Variants in BANK1 observed in about 807,000 individuals in gnomAD.
BANK1 encodes B cell scaffold protein with ankyrin repeats 1.
In BANK1, 95 loss-of-function variants were observed where a neutral mutation model predicts 94.5. The ratio of observed to expected loss-of-function variants is 1.00; its 90% CI spans 0.85 to 1.19. The LOEUF is 1.19. Ranked by LOEUF, BANK1 falls within the 50% of genes most tolerant of loss-of-function variation. The pLI, the probability that BANK1 is intolerant of heterozygous loss-of-function variation, is 0.00. For missense variants in BANK1, 987 were observed against 932.2 expected (o/e 1.06, Z -0.77); for synonymous variants, 334 against 308.4 (o/e 1.08, Z -0.87).
intron 7 of BANK1, among the ~76,000 whole-genome samples, chr4:101,988,547 T>A (rs1172727515): frequency 6.6e-6 from 1 of 152,186 alleles, no homozygotes; most frequent in East Asian, 1.9e-4. Context: ...TTAGTACAAC[T>A]CTTCATTAAG....
chr4:101,862,504 G>A, intron 3 of BANK1, 22 bp from the exon 4 acceptor site: 1 of 1,581,792 alleles, frequency 6.3e-7, no homozygotes, highest in Non-Finnish European at 8.6e-7. Flanking sequence ...ATGCTTAAAT[G>A]GGTTACATTT....
intron 7 of BANK1, among the ~76,000 whole-genome samples, chr4:101,927,544 T>C (rs1723205020): frequency 6.6e-6 from 1 of 151,568 alleles, no homozygotes; most frequent in African/African-American, 2.4e-5. Flanking sequence ...TGATAGATGA[T>C]AAAAAGATGC....
At chr4:101,796,258 C>T (rs1451243559) in intron 1 of BANK1, among the ~76,000 whole-genome samples, 2 of 152,034 alleles carry the variant, frequency 1.3e-5, no homozygotes, top group Non-Finnish European at 2.9e-5. Context: ...CTTATTTGCC[C>T]ATGAAATTGT....
intron 2 of BANK1, among the ~76,000 whole-genome samples, chr4:101,850,508 C>A (rs1216743322): frequency 1.3e-5 from 2 of 151,350 alleles, no homozygotes; most frequent in Admixed American, 6.6e-5. Context: ...GTCTCGAACT[C>A]TTGACCTCAA....
At chr4:101,995,954 G>T (rs1725864562) in intron 7 of BANK1, among the ~76,000 whole-genome samples, 1 of 152,112 alleles carries the variant, frequency 6.6e-6, no homozygotes, top group Admixed American at 6.6e-5. Context: ...AGTTTAATTA[G>T]ATCCCATTTG....
At chr4:102,052,338 G>C (rs1334280766) in intron 11 of BANK1, among the ~76,000 whole-genome samples, 1 of 151,582 alleles carries the variant, frequency 6.6e-6, no homozygotes, top group Admixed American at 6.6e-5. Flanking sequence ...GGATGGTCTG[G>C]ATCTCTTGAC....
intron 7 of BANK1, among the ~76,000 whole-genome samples, chr4:101,961,593 T>C (rs1467805377): frequency 6.6e-6 from 1 of 152,224 alleles, no homozygotes; most frequent in Non-Finnish European, 1.5e-5. Flanking sequence ...TTGGTTTTAC[T>C]GTCAAACTAT....
chr4:101,888,800 C>T (rs538941213), intron 5 of BANK1, among the ~76,000 whole-genome samples: 50 of 152,282 alleles, frequency 3.3e-4, no homozygotes, highest in Admixed American at 1.6e-3. Flanking sequence ...TGTTTGAATC[C>T]GTTCATTGCA....
intron 1 of BANK1, among the ~76,000 whole-genome samples, chr4:101,803,997 C>CAAAAAAAAAAAAAAAAA (rs55704915): frequency 2.0e-4 from 14 of 68,408 alleles, no homozygotes; most frequent in East Asian, 4.6e-4. Flanking sequence ...GACTCCGTCT[C>CAAAAAAAAAAAAAAAAA]AAAAAAAAAA....
intron 13 of BANK1, among the ~76,000 whole-genome samples, chr4:102,069,575 C>T (rs1191269612): frequency 6.6e-6 from 1 of 152,178 alleles, no homozygotes; most frequent in Non-Finnish European, 1.5e-5. Flanking sequence ...ACCATATGAC[C>T]TAGTCATTCC....
chr4:102,010,066 A>C (rs554500415), intron 7 of BANK1, among the ~76,000 whole-genome samples: 1 of 151,928 alleles, frequency 6.6e-6, no homozygotes, highest in Non-Finnish European at 1.5e-5. Context: ...GGAGATCGAG[A>C]CCATCCTGGC....
intron 7 of BANK1, among the ~76,000 whole-genome samples, chr4:101,959,204 A>G (rs1313173691): frequency 6.6e-6 from 1 of 151,988 alleles, no homozygotes; most frequent in African/African-American, 2.4e-5. Flanking sequence ...CAATGGCGCA[A>G]TTTCAGCTCA....
At chr4:102,053,336 C>T (rs554689098) in intron 11 of BANK1, among the ~76,000 whole-genome samples, 1 of 152,154 alleles carries the variant, frequency 6.6e-6, no homozygotes, top group African/African-American at 2.4e-5. Flanking sequence ...CCTAGCAAAT[C>T]TTTTTGATTA....
chr4:101,912,485 ATG>A (rs1005632804), intron 6 of BANK1, among the ~76,000 whole-genome samples: 4 of 151,722 alleles, frequency 2.6e-5, no homozygotes, highest in Non-Finnish European at 4.4e-5. Context: ...AACCAATAAA[ATG>A]TGTGTGTATA....
intron 13 of BANK1, among the ~76,000 whole-genome samples, chr4:102,069,383 A>G (rs1006589206): frequency 6.6e-6 from 1 of 152,248 alleles, no homozygotes; most frequent in Non-Finnish European, 1.5e-5. Context: ...AAGATGCTCA[A>G]TATCATTAAC....
At chr4:102,028,278 G>C (rs1238866725) in intron 9 of BANK1, among the ~76,000 whole-genome samples, 1 of 152,190 alleles carries the variant, frequency 6.6e-6, no homozygotes, top group East Asian at 1.9e-4. Context: ...CTGTGTTGCT[G>C]TCAGTGAACC....
chr4:101,944,731 T>A lies in BANK1; in HGVS notation c.1206+26542T>A, dbSNP rs151077649. Among the ~76,000 whole-genome samples the A allele has an allele frequency of 4.2e-3, 638 of 152,090 alleles. 3 individuals are homozygous for A. The highest frequency in any genetic ancestry group is 0.01 in the Middle Eastern group (3 of 294). ...GATTAATTAGAGCCAGCAGGTTTTG[T>A]TGATCTGTGATTCCAATGGACAGCA... On this transcript the variant is annotated intron_variant, in intron 7 of 16. Transcript: ENST00000322953.
intron 1 of BANK1, among the ~76,000 whole-genome samples, chr4:101,804,571 T>A (rs80154398): frequency 0.012 from 1,799 of 152,258 alleles, 50 homozygotes; most frequent in African/African-American, 0.041. Flanking sequence ...TGATACATAC[T>A]GTAGATTGAG....
At chr4:102,011,011 A>T (rs1236798487) in intron 7 of BANK1, among the ~76,000 whole-genome samples, 2 of 152,218 alleles carry the variant, frequency 1.3e-5, no homozygotes, top group African/African-American at 4.8e-5. Flanking sequence ...GCACTTTCAA[A>T]CAAACTAAAT....
Sources: allele counts gnomAD v4.1 joint callset (sites outside exome capture counted in the v4.1 genomes callset), GRCh38; gene constraint gnomAD v4.1.1; transcripts MANE v1.5; gene names NCBI Gene and HGNC (gene_info 2026-07-23, HGNC 2026-07-21).